The following STMND1 variants were observed in gnomAD, a reference collection of about 807,000 sequenced individuals.
STMND1 encodes stathmin domain containing 1.
In STMND1, 17 loss-of-function variants were observed where a neutral mutation model predicts 23.0. That is an observed-to-expected ratio of 0.74 (90% CI 0.51 to 1.11). The LOEUF is 1.11. Among genes scored for constraint, STMND1 ranks in the 50% least tolerant of loss-of-function variants. The pLI, the probability that STMND1 is intolerant of heterozygous loss-of-function variation, is 0.00. For synonymous variants in STMND1, 114 were observed against 119.9 expected, an observed-to-expected ratio of 0.95 and a Z score of 0.32; for missense variants, 305 against 329.1, an observed-to-expected ratio of 0.93 and a Z score of 0.57.
chr6:17,105,499 G>T lies in STMND1; in HGVS notation c.81+3161G>T, dbSNP rs544234468. ...TGTCTCTACTAAAAATAAAAAATTA[G>T]CCGGGCGTGATGGCACATGCCTGTA... On this transcript the variant is annotated intron_variant, in intron 1 of 4. Coordinates refer to ENST00000536551, the MANE Select transcript of STMND1 (RefSeq NM_001190766.2). 2.0e-4 allele frequency among the ~76,000 whole-genome samples: 31 copies of T among 152,130 alleles called. No individual in the cohort carries two copies. In the South Asian group the frequency reaches 6.0e-3, roughly 30 times the overall value.
At chr6:17,116,968 ATG>A (rs1381963857) in intron 2 of STMND1, among the ~76,000 whole-genome samples, 4 of 152,202 alleles carry the variant, frequency 2.6e-5, no homozygotes, top group African/African-American at 7.2e-5. Flanking sequence ...TACAGACATA[ATG>A]CCACTTCGCT....
intron 3 of STMND1, among the ~76,000 whole-genome samples, chr6:17,125,580 C>T (rs1561925534): frequency 6.6e-6 from 1 of 152,152 alleles, no homozygotes; most frequent in African/African-American, 2.4e-5. Context: ...GCATAAGAGT[C>T]TCTACCATTA....
intron 2 of STMND1, among the ~76,000 whole-genome samples, chr6:17,118,866 T>A (rs1340240220): frequency 1.3e-5 from 2 of 152,218 alleles, no homozygotes; most frequent in East Asian, 3.8e-4. Flanking sequence ...CATCAGTGTT[T>A]ATTTCTAAAA....
chr6:17,115,157 C>A lies in STMND1; in HGVS notation c.259+18C>A. The stretch of plus-strand genomic sequence containing the variant: ...AAATTCAGGTAACCTCCCTCTGCCC[C>A]CATTCACGTAGATCTTCACAAAATA... On this transcript the variant is annotated intron_variant, in intron 2 of 4. Coordinates refer to ENST00000536551, the MANE Select transcript of STMND1 (RefSeq NM_001190766.2). 6.5e-7 allele frequency: 1 copy of A among 1,527,572 alleles called. No individual in the cohort carries two copies. Among genetic ancestry groups the A allele is most frequent in the Non-Finnish European group, 8.7e-7 (1 of 1,143,348 alleles). The allele number at this position is 1,527,572 out of a possible 1,614,324, so 94.6% of individuals were successfully genotyped here.
At chr6:17,110,463 A>C (rs2113477320) in intron 1 of STMND1, 1 of 165,626 alleles carries the variant, frequency 6.0e-6, no homozygotes, top group African/African-American at 2.4e-5. Context: ...TGGGCCAAAA[A>C]GTCAAATCAA....
At chr6:17,116,743 A>G (rs1010071611) in intron 2 of STMND1, among the ~76,000 whole-genome samples, 8 of 152,176 alleles carry the variant, frequency 5.3e-5, no homozygotes, top group African/African-American at 1.9e-4. Flanking sequence ...CCTGCAGAGT[A>G]TATTTCTTAA....
chr6:17,128,110 A>G (rs767462903), intron 3 of STMND1: 3 of 152,198 alleles, frequency 2.0e-5, no homozygotes, highest in Non-Finnish European at 4.4e-5. Flanking sequence ...TAATCAATCT[A>G]TATTATCTTA....
At position 17,115,149 on chromosome 6, in the gene STMND1, C is replaced by T. The variant is rs1486214436; in HGVS notation, c.259+10C>T. 2 of 1,531,626 alleles carry T rather than the reference C, an allele frequency of 1.3e-6. No homozygotes were observed. The highest frequency in any genetic ancestry group is 1.7e-6 in the Non-Finnish European group (2 of 1,145,292). 94.9% of individuals were successfully genotyped at this position (1,531,626 alleles called of 1,614,324 possible). A position where few individuals can be genotyped will look rare whatever the true frequency, so the allele number is the denominator to read the frequency against. ...AGACGAGTAAATTCAGGTAACCTCCCTCTGCCCCCATTCACGTAGATCTTC... is the reference window on the plus strand; with the variant it reads ...AGACGAGTAAATTCAGGTAACCTCCTTCTGCCCCCATTCACGTAGATCTTC... On this transcript the variant is annotated intron_variant, in intron 2 of 4. Transcript: ENST00000536551.
At chr6:17,105,505 C>A (rs964158948) in intron 1 of STMND1, among the ~76,000 whole-genome samples, 1 of 151,912 alleles carries the variant, frequency 6.6e-6, no homozygotes, top group Non-Finnish European at 1.5e-5. Flanking sequence ...ATTAGCCGGG[C>A]GTGATGGCAC....
intron 3 of STMND1, 68 bp from the exon 4 acceptor site, chr6:17,129,044 C>T (rs142173578): frequency 6.9e-7 from 1 of 1,452,110 alleles, no homozygotes; most frequent in East Asian, 2.5e-5. Flanking sequence ...TTTATTCTAA[C>T]TCTTTTGCCC....
At chr6:17,115,742 CAT>C (rs569682338) in intron 2 of STMND1, among the ~76,000 whole-genome samples, 140 of 152,288 alleles carry the variant, frequency 9.2e-4, no homozygotes, top group African/African-American at 3.0e-3. Context: ...GCCTTTGAAA[CAT>C]ATTGAACTTC....
intron 1 of STMND1, among the ~76,000 whole-genome samples, chr6:17,109,366 C>T (rs563714302): frequency 2.0e-5 from 3 of 152,318 alleles, no homozygotes; most frequent in East Asian, 3.9e-4. Flanking sequence ...ACTCCCACTA[C>T]AAGCATGCAA....
intron 1 of STMND1, 72 bp downstream of exon 1, chr6:17,102,410 C>T (rs1230983574): frequency 6.6e-7 from 1 of 1,515,444 alleles, no homozygotes; most frequent in Non-Finnish European, 8.8e-7. Flanking sequence ...TCGCGATTCC[C>T]ACGCTTGGGG....
chr6:17,130,437 C>T (rs1399905634), intron 4 of STMND1, among the ~76,000 whole-genome samples, 157 bp from the exon 5 acceptor site: 3 of 152,162 alleles, frequency 2.0e-5, no homozygotes, highest in Non-Finnish European at 2.9e-5. Context: ...GGGCAGGCCC[C>T]GTGTCTGCCT....
At chr6:17,128,237 G>A (rs1179401940) in intron 3 of STMND1, 2 of 152,176 alleles carry the variant, frequency 1.3e-5, no homozygotes, top group Non-Finnish European at 2.9e-5. Context: ...GCTTTGAACT[G>A]TTGAAAGGGT....
intron 3 of STMND1, among the ~76,000 whole-genome samples, chr6:17,126,472 C>T (rs1274700604): frequency 6.6e-6 from 1 of 152,060 alleles, no homozygotes; most frequent in East Asian, 1.9e-4. Context: ...GAATTTTAGT[C>T]AAGGTTCAGG....
intron 1 of STMND1, among the ~76,000 whole-genome samples, chr6:17,105,338 C>A (rs967370930): frequency 7.2e-5 from 11 of 152,150 alleles, no homozygotes; most frequent in African/African-American, 2.7e-4. Flanking sequence ...TAAATTATTT[C>A]AATTATTATT....
intron 1 of STMND1, among the ~76,000 whole-genome samples, chr6:17,111,671 C>CT (rs1257480182): frequency 1.3e-5 from 2 of 152,030 alleles, no homozygotes; most frequent in Non-Finnish European, 2.9e-5. Context: ...GTATGTAATT[C>CT]TTTTTATTAT....
At chr6:17,127,638 G>A (rs983373754) in intron 3 of STMND1, among the ~76,000 whole-genome samples, 1 of 152,136 alleles carries the variant, frequency 6.6e-6, no homozygotes, top group Non-Finnish European at 1.5e-5. Context: ...CTGGTGCCTT[G>A]TTTTACTCTG....
Sources: gnomAD v4.1 joint callset for allele counts (sites outside exome capture counted in the v4.1 genomes callset) on GRCh38, gnomAD v4.1.1 for gene constraint, MANE v1.5 for transcripts, NCBI Gene and HGNC (gene_info 2026-07-23, HGNC 2026-07-21) for gene names.